UNC80: variants seen among roughly 807,000 people sequenced by gnomAD.
UNC80 encodes protein unc-80 homolog.
UNC80 carries 164 observed loss-of-function variants against 384.6 expected under a neutral mutation model. The observed-to-expected ratio is 0.43, with a 90% CI of 0.38 to 0.49. The LOEUF is 0.49. Ranked by LOEUF, UNC80 falls within the 20% of genes least tolerant of loss-of-function variation. UNC80 has a pLI of 0.00. For synonymous variants in UNC80, 1,486 were observed against 1,527.8 expected (o/e 0.97, Z 0.64); for missense variants, 3,330 against 4,143.0 (o/e 0.80, Z 5.39).
intron 35 of UNC80, among the ~76,000 whole-genome samples, chr2:209,924,354 A>G (rs1254562426): frequency 1.3e-5 from 2 of 152,218 alleles, no homozygotes; most frequent in African/African-American, 2.4e-5. Flanking sequence ...GAGTGTGAGC[A>G]CTGAAATCCC....
chr2:209,922,286 G>A lies in UNC80; in HGVS notation c.5565G>A (p.Leu1855=), dbSNP rs1453730728. Residue 1855 remains leucine (L), a synonymous_variant, in exon 35 of 65, where the codon CTG becomes CTA. Coordinates refer to ENST00000673920, the MANE Select transcript of UNC80 (RefSeq NM_001371986.1). The part of the protein sequence containing the change: ...EEVTNLASRR[L]SVSPSCTSST... ...TCACCAATCTGGCATCCCGTCGACT[G>A]TCTGTGAGTCCATCCTGCACCTCCA... The A allele has an allele frequency of 6.4e-6, 10 of 1,552,104 alleles. No homozygotes were observed. The highest frequency in any genetic ancestry group is 1.4e-5 in the African/African-American group (1 of 73,026).
At chr2:209,818,430 G>GTTCTCA (rs1390093295) in intron 11 of UNC80, among the ~76,000 whole-genome samples, 3 of 152,122 alleles carry the variant, frequency 2.0e-5, no homozygotes, top group Middle Eastern at 3.4e-3. Context: ...TCCAAGACAG[G>GTTCTCA]TTCTCATTCT....
intron 26 of UNC80, among the ~76,000 whole-genome samples, chr2:209,889,459 C>G (rs1363303272): frequency 6.6e-6 from 1 of 152,136 alleles, no homozygotes; most frequent in Non-Finnish European, 1.5e-5. Flanking sequence ...CTAATTTGGT[C>G]ATTCATGTTT....
chr2:209,818,020 T>C, intron 11 of UNC80, 68 bp downstream of exon 11: 4 of 1,507,500 alleles, frequency 2.7e-6, no homozygotes, highest in South Asian at 2.5e-5. Context: ...CCTTACACCA[T>C]GTTACTTTCC....
At chr2:209,862,122 AT>A (rs2083385860) in intron 22 of UNC80, among the ~76,000 whole-genome samples, 2 of 151,844 alleles carry the variant, frequency 1.3e-5, no homozygotes, top group South Asian at 4.2e-4. Context: ...TTTAATTGTG[AT>A]GTTAGGGTGT....
intron 47 of UNC80, among the ~76,000 whole-genome samples, chr2:209,947,234 C>T (rs767327037): frequency 1.3e-5 from 2 of 152,334 alleles, no homozygotes; most frequent in Non-Finnish European, 2.9e-5. Flanking sequence ...AACATCTTCT[C>T]TCTACTCTAT....
chr2:209,778,142 C>G (rs1048220315), intron 4 of UNC80, among the ~76,000 whole-genome samples: 11 of 152,200 alleles, frequency 7.2e-5, no homozygotes, highest in Non-Finnish European at 1.0e-4. Context: ...GTGGCTCACA[C>G]CTGTAATCCC....
intron 22 of UNC80, among the ~76,000 whole-genome samples, chr2:209,858,874 C>G (rs1300067757): frequency 4.0e-5 from 6 of 151,256 alleles, no homozygotes; most frequent in African/African-American, 1.5e-4. Context: ...ATTGTGTGTG[C>G]ATGTGTGTGT....
chr2:209,948,957 A>G (rs535505850), intron 47 of UNC80, among the ~76,000 whole-genome samples: 119 of 152,274 alleles, frequency 7.8e-4, no homozygotes, highest in Non-Finnish European at 1.4e-3. Flanking sequence ...AGAGATGATT[A>G]TATGATTTTT....
intron 45 of UNC80, 150 bp from the exon 46 acceptor site, chr2:209,944,901 A>G: frequency 1.2e-6 from 1 of 846,894 alleles, no homozygotes; most frequent in Non-Finnish European, 1.8e-6. Flanking sequence ...ATCATACCAC[A>G]GCATTGCGGG....
chr2:209,872,957 A>G lies in UNC80; in HGVS notation c.3827A>G (p.Tyr1276Cys), dbSNP rs977020645. Residue 1276 changes from tyrosine (Y) to cysteine (C), a missense_variant, in exon 23 of 65, where the codon TAC becomes TGC. Coordinates refer to ENST00000673920, the MANE Select transcript of UNC80 (RefSeq NM_001371986.1). This position sits in a 1 kb window ranked among gnomAD's most constrained non-coding sequence, Gnocchi z 4.1. ...CAGTGGAATGCAGCCAAGCTCTTCT[A>G]CCAATGGGGAGACGTGAGCTTTCGG... The part of the protein sequence containing the change: ...KLQWNAAKLF[Y>C]QWGDAIGVRL... 3 of 1,551,556 alleles carry G rather than the reference A, an allele frequency of 1.9e-6. No individual in the cohort carries two copies. The highest frequency in any genetic ancestry group is 2.7e-5 in the African/African-American group (2 of 73,046).
At position 209,994,145 on chromosome 2, in the gene UNC80, G is replaced by T. The variant is rs1260711763; in HGVS notation, c.9589G>T (p.Gly3197Cys). The change falls in exon 64 of 65, where the codon GGC (glycine) becomes TGC (cysteine). Residue 3197 changes from glycine to cysteine, a missense_variant. Coordinates refer to ENST00000673920, the MANE Select transcript of UNC80 (RefSeq NM_001371986.1). ...AAPTDALPAT[G>C]QLQGCSPAPS... ...CCCAACAGATGCGCTTCCTGCAACA[G>T]GCCAACTACAGGGCTGTAGCCCAGC... 6.4e-7 allele frequency: 1 copy of T among 1,551,656 alleles called. No homozygotes were observed. The highest frequency in any genetic ancestry group is 8.7e-7 in the Non-Finnish European group (1 of 1,146,990).
chr2:209,949,791 T>C (rs2124988714), intron 47 of UNC80, among the ~76,000 whole-genome samples: 1 of 149,314 alleles, frequency 6.7e-6, no homozygotes, highest in East Asian at 2.0e-4. Context: ...CACCCCTTTT[T>C]AAAAACTCCT....
At chr2:209,801,377 CTTTTTTTTTTTT>C (rs35079056) in intron 7 of UNC80, among the ~76,000 whole-genome samples, 88 of 66,008 alleles carry the variant, frequency 1.3e-3, no homozygotes, top group African/African-American at 4.4e-3. Context: ...GCAACCCCTG[CTTTTTTTTTTTT>C]TTTTTTTTTT....
intron 28 of UNC80, among the ~76,000 whole-genome samples, chr2:209,899,023 G>T (rs1255968272): frequency 6.6e-6 from 1 of 152,120 alleles, no homozygotes; most frequent in Non-Finnish European, 1.5e-5. Flanking sequence ...TTCGTCTGTT[G>T]ATGGACATTT....
rs1392671715 is a variant in UNC80 at position 209,996,645 on chromosome 2, C to T, written c.*1050C>T. ...AAGTAAGCAATTTCTTCATAGACAC[C>T]TCCAGTTTATATATTTTGCAAATAG... On this transcript the variant is annotated 3_prime_UTR_variant, in exon 65 of 65. Coordinates refer to ENST00000673920, the MANE Select transcript of UNC80 (RefSeq NM_001371986.1). The T allele has an allele frequency of 6.6e-6, 1 of 152,100 alleles. No individual in the cohort carries two copies. The highest frequency in any genetic ancestry group is 2.4e-5 in the African/African-American group (1 of 41,410). The allele number at this position is 152,100 out of a possible 1,614,324, so 9.4% of individuals were successfully genotyped here.
intron 3 of UNC80, among the ~76,000 whole-genome samples, chr2:209,776,576 G>A (rs114963088): frequency 0.061 from 9,251 of 152,248 alleles, 367 homozygotes; most frequent in Non-Finnish European, 0.082. Context: ...GTGAGACTCC[G>A]TCTCAAAAAC....
chr2:209,958,716 T>C lies in UNC80; in HGVS notation c.7551-403T>C, dbSNP rs149214379. Among the ~76,000 whole-genome samples the C allele has an allele frequency of 6.6e-5, 10 of 152,326 alleles. No individual in the cohort carries two copies. The East Asian group carries it at 1.9e-3, about 29-fold the overall frequency. ...CTAAAGTCTTAGTATCCATGAATCATAAAGCAATAAGTCTCCAGAACTGAA... is the reference window on the plus strand; with the variant it reads ...CTAAAGTCTTAGTATCCATGAATCACAAAGCAATAAGTCTCCAGAACTGAA... On this transcript the variant is annotated intron_variant, in intron 49 of 64. Coordinates refer to ENST00000673920, the MANE Select transcript of UNC80 (RefSeq NM_001371986.1).
rs190326554 is a variant in UNC80 at position 209,852,873 on chromosome 2, T to C, written c.3627+3250T>C. On this transcript the variant is annotated intron_variant, in intron 22 of 64. Coordinates refer to ENST00000673920, the MANE Select transcript of UNC80 (RefSeq NM_001371986.1). ...TCAAGAATGCCTCAGTTTTTAAGTA[T>C]GTTTTACGTGTTTTTCAATGCATTG... 2.1e-3 allele frequency among the ~76,000 whole-genome samples: 314 copies of C among 152,258 alleles called. 1 individual carries two copies. Among genetic ancestry groups the C allele is most frequent in the African/African-American group, 7.3e-3 (305 of 41,556 alleles).
Sources: allele counts gnomAD v4.1 joint callset (sites outside exome capture counted in the v4.1 genomes callset), GRCh38; gene constraint gnomAD v4.1.1; non-coding constraint Gnocchi (gnomAD v3.1); transcripts MANE v1.5; gene names NCBI Gene and HGNC (gene_info 2026-07-23, HGNC 2026-07-21).